The following CEBPZOS variants were observed in gnomAD, a reference collection of about 807,000 sequenced individuals.
The protein encoded by CEBPZOS is protein CEBPZOS.
Under a neutral mutation model 4.8 loss-of-function variants are expected in CEBPZOS, and 10 were observed. That is an observed-to-expected ratio of 2.07 (90% CI 1.28 to 3.52). CEBPZOS has a LOEUF of 3.52. Ranked by LOEUF, CEBPZOS falls within the 30% of genes most tolerant of loss-of-function variation. The pLI is 0.00. For synonymous variants in CEBPZOS, 25 were observed against 14.2 expected (o/e 1.77, Z -1.72); for missense variants, 98 against 43.6 (o/e 2.25, Z -3.51).
chr2:37,204,134 T>G lies in CEBPZOS; in HGVS notation c.*2274T>G, dbSNP rs1466306735. ...CATGCATTAGGAAGTTTTTTTTGGG[T>G]TTTATTCATCCTGTAGTGATGTATC... is the stretch of plus-strand genomic sequence containing the variant. On this transcript the variant is annotated 3_prime_UTR_variant, in exon 5 of 5. Transcript: ENST00000402297. 1 of 152,152 alleles carries G rather than the reference T, an allele frequency of 6.6e-6. No individual in the cohort carries two copies. The highest frequency in any genetic ancestry group is 2.4e-5 in the African/African-American group (1 of 41,418). 9.4% of individuals were successfully genotyped at this position (152,152 alleles called of 1,614,324 possible). A position where few individuals can be genotyped will look rare whatever the true frequency, so the allele number is the denominator to read the frequency against.
rs749152250 is a variant in CEBPZOS, at chr2:37,201,805, T to G, written c.*3-58T>G. The G allele has an allele frequency of 2.5e-6, 4 of 1,573,138 alleles. No homozygotes were observed. In the South Asian group the frequency reaches 4.4e-5, roughly 17 times the overall value. On this transcript the variant is annotated intron_variant, in intron 4 of 4. Coordinates refer to ENST00000402297, the MANE Select transcript of CEBPZOS (RefSeq NM_001322374.2). ...TTAGTTTTTTGAGTGGTTTTAATCC[T>G]CTTCTTTTTAAAATGTTTCTTTTTC...
chr2:37,201,782 AGTTTTTT>A, intron 4 of CEBPZOS, 56 bp downstream of exon 4: 1 of 1,438,724 alleles, frequency 7.0e-7, no homozygotes. Flanking sequence ...TTTGTTTTTT[AGTTTTTT>A]GAGTGGTTTT....
chr2:37,200,182 G>A lies in CEBPZOS; in HGVS notation c.115+363G>A, dbSNP rs542928720. Among the ~76,000 whole-genome samples, 8 of 152,296 alleles carry A rather than the reference G, an allele frequency of 5.3e-5. No homozygotes were observed. In the South Asian group the frequency reaches 1.7e-3, roughly 32 times the overall value. On this transcript the variant is annotated intron_variant, in intron 2 of 4. Coordinates refer to ENST00000402297, the MANE Select transcript of CEBPZOS (RefSeq NM_001322374.2). Reference sequence around the variant, plus strand: ...GACTAAGAAAGTAACTGGTATTGCTGTTTTCTGAGTAACCAGTTTTCTCAG... The same window carrying A: ...GACTAAGAAAGTAACTGGTATTGCTATTTTCTGAGTAACCAGTTTTCTCAG...
intron 4 of CEBPZOS, chr2:37,211,291 C>T (rs1034460979): frequency 2.0e-4 from 77 of 380,730 alleles, no homozygotes; most frequent in Non-Finnish European, 3.1e-4. Context: ...TGTGCAAGTA[C>T]AAAATTTTCT....
downstream of CEBPZOS, chr2:37,209,086 A>T (rs929125994): frequency 6.6e-6 from 1 of 152,136 alleles, no homozygotes; most frequent in African/African-American, 2.4e-5. Flanking sequence ...AATACACCTA[A>T]TCAAGGAGGT....
intron 1 of CEBPZOS, among the ~76,000 whole-genome samples, chr2:37,198,269 CCCTT>C (rs1400691589): frequency 6.6e-6 from 1 of 152,168 alleles, no homozygotes; most frequent in Non-Finnish European, 1.5e-5. Context: ...AAACAACTGT[CCCTT>C]CCCACCACTC....
In CEBPZOS at chr2:37,201,560, AAAG is replaced by A. The variant is rs745554547; in HGVS notation, c.161-78_161-76del. 1.2e-4 allele frequency: 76 copies of A among 639,040 alleles called. 1 individual carries two copies. Among genetic ancestry groups the A allele is most frequent in the Non-Finnish European group, 1.5e-4 (55 of 355,954 alleles). The allele number at this position is 639,040 out of a possible 1,614,324, so 39.6% of individuals were successfully genotyped here. ...ATTTTGTTATGTAGCAATATGGAAA[AAAG>A]AAGTTGTTTTTTTCAATACATTTAA... is the stretch of plus-strand genomic sequence containing the variant. On this transcript the variant is annotated intron_variant, in intron 3 of 4. Coordinates refer to ENST00000402297, the MANE Select transcript of CEBPZOS (RefSeq NM_001322374.2).
chr2:37,214,828 A>C (rs998429366), downstream of CEBPZOS: 116 of 1,068,452 alleles, frequency 1.1e-4, no homozygotes, highest in Admixed American at 3.1e-4. Flanking sequence ...CATTTTATGA[A>C]ATCTAAAAAT....
intron 1 of CEBPZOS, among the ~76,000 whole-genome samples, chr2:37,199,160 T>C (rs897329492): frequency 6.6e-6 from 1 of 151,226 alleles, no homozygotes; most frequent in Non-Finnish European, 1.5e-5. Context: ...TAGTTTAGTA[T>C]ATGTTGTATT....
chr2:37,207,575 C>A (rs1677581330), downstream of CEBPZOS, among the ~76,000 whole-genome samples: 1 of 152,046 alleles, frequency 6.6e-6, no homozygotes, highest in Non-Finnish European at 1.5e-5. Context: ...ACAATGAAAT[C>A]AAGATGGAAA....
At chr2:37,214,193 C>A (rs984530976), downstream of CEBPZOS, among the ~76,000 whole-genome samples, 2 of 152,090 alleles carry the variant, frequency 1.3e-5, no homozygotes, top group Non-Finnish European at 2.9e-5. Context: ...TTTATCAGCC[C>A]TATTCTTATA....
In CEBPZOS at chr2:37,203,139, G is replaced by A; in HGVS notation, c.*1279G>A. The A allele has an allele frequency of 1.8e-6, 1 of 554,020 alleles. No individual in the cohort carries two copies. The highest frequency in any genetic ancestry group is 3.1e-6 in the Non-Finnish European group (1 of 323,990). The allele number at this position is 554,020 out of a possible 1,614,324, so 34.3% of individuals were successfully genotyped here. A position where few individuals can be genotyped will look rare whatever the true frequency, so the allele number is the denominator to read the frequency against. On this transcript the variant is annotated 3_prime_UTR_variant, in exon 5 of 5. Transcript: ENST00000402297. ...ATTGCAATAATCTTCTGGCACCATT[G>A]GGTAGCTGGCATTTAAATATAATTT...
downstream of CEBPZOS, among the ~76,000 whole-genome samples, chr2:37,207,458 C>T (rs528387242): frequency 6.6e-6 from 1 of 152,282 alleles, no homozygotes; most frequent in African/African-American, 2.4e-5. Context: ...AGTACCCTCT[C>T]ACACCACAGT....
chr2:37,210,862 T>C, intron 4 of CEBPZOS: 1 of 496,614 alleles, frequency 2.0e-6, no homozygotes, highest in African/African-American at 2.0e-5. Flanking sequence ...TAATTTCCAC[T>C]TAACATCTTT....
rs544897966 is a variant in CEBPZOS, at chr2:37,212,351, C to T, written c.*3-1086C>T. On this transcript the variant is annotated intron_variant, in intron 4 of 4. Transcript: ENST00000397064. ...GTATGTTACCCAGCAAAATCCATAT[C>T]ATCCTTTCCAGAGCTGAAACAGTTA... is the stretch of plus-strand genomic sequence containing the variant. 4.6e-5 allele frequency: 74 copies of T among 1,613,538 alleles called. No individual in the cohort carries two copies. The East Asian group carries it at 1.5e-3, about 34-fold the overall frequency.
At chr2:37,201,452 G>C (rs1190105789) in intron 3 of CEBPZOS, 190 bp from the exon 4 acceptor site, 1 of 548,576 alleles carries the variant, frequency 1.8e-6, no homozygotes, top group Non-Finnish European at 3.3e-6. Flanking sequence ...ACATCATGTA[G>C]TTAGACGAAA....
At chr2:37,204,747 G>C (rs1677472109), downstream of CEBPZOS, 1 of 152,100 alleles carries the variant, frequency 6.6e-6, no homozygotes, top group African/African-American at 2.4e-5. Context: ...AAAATTCCTT[G>C]CCTCTTTTTG....
chr2:37,215,502 TA>T (rs952152359), downstream of CEBPZOS: 3 of 152,416 alleles, frequency 2.0e-5, no homozygotes, highest in African/African-American at 7.2e-5. Flanking sequence ...CTTTTAATTC[TA>T]ACTTACTAAC....
At chr2:37,207,273 G>A (rs1677571124), downstream of CEBPZOS, among the ~76,000 whole-genome samples, 1 of 152,076 alleles carries the variant, frequency 6.6e-6, no homozygotes. Context: ...AAGAAACAAT[G>A]GACTTAAACT....
Sources: allele counts gnomAD v4.1 joint callset (sites outside exome capture counted in the v4.1 genomes callset), GRCh38; gene constraint gnomAD v4.1.1; transcripts MANE v1.5; gene names NCBI Gene and HGNC (gene_info 2026-07-23, HGNC 2026-07-21).